Variants in NUP214 observed in about 807,000 individuals in gnomAD.
The protein encoded by NUP214 is nuclear pore complex protein Nup214.
In NUP214, 79 loss-of-function variants were observed where a neutral mutation model predicts 196.2. The observed-to-expected ratio is 0.40, with a 90% CI of 0.34 to 0.49. The LOEUF (loss-of-function observed/expected upper bound fraction) is 0.49, where lower values mean the gene tolerates loss of function less well. Among genes scored for constraint, NUP214 ranks in the 20% least tolerant of loss-of-function variants. The probability of loss-of-function intolerance (pLI) is 0.58; values close to 1 mark genes in which losing one functional copy is unlikely to be tolerated. For synonymous variants in NUP214, 1,020 were observed against 990.5 expected (o/e 1.03, Z -0.56); for missense variants, 2,468 against 2,539.0 (o/e 0.97, Z 0.60).
At chr9:131,138,855 C>A (rs565510480) in intron 9 of NUP214, among the ~76,000 whole-genome samples, 1 of 152,302 alleles carries the variant, frequency 6.6e-6, no homozygotes, top group East Asian at 1.9e-4. Flanking sequence ...TGAAAGACTG[C>A]AGTAGAGATC....
intron 32 of NUP214, among the ~76,000 whole-genome samples, 175 bp from the exon 33 acceptor site, chr9:131,227,985 C>CGGGGGG (rs369758441): frequency 3.8e-4 from 5 of 13,280 alleles, no homozygotes; most frequent in Admixed American, 1.5e-3. Context: ...GATAGAAGGG[C>CGGGGGG]GGGGGGGAGG....
At position 131,162,828 on chromosome 9, in the gene NUP214, T is replaced by TA; in HGVS notation, c.2541-163_2541-162insA. The TA allele has an allele frequency of 4.4e-6, 3 of 688,952 alleles. No individual in the cohort carries two copies. The South Asian group carries it at 5.6e-5, about 13-fold the overall frequency. 42.7% of individuals were successfully genotyped at this position (688,952 alleles called of 1,614,324 possible). A position where few individuals can be genotyped will look rare whatever the true frequency, so the allele number is the denominator to read the frequency against. On this transcript the variant is annotated intron_variant, in intron 18 of 35. Transcript: ENST00000359428. Reference sequence around the variant, plus strand: ...CCATTTTATCTTCATTAGGCTTTCATCTCCTTTTTATTTTCTAGTAATTTC... The same window carrying TA: ...CCATTTTATCTTCATTAGGCTTTCATACTCCTTTTTATTTTCTAGTAATTTC...
At chr9:131,150,032 C>T (rs1832209714) in intron 14 of NUP214, 1 of 231,290 alleles carries the variant, frequency 4.3e-6, no homozygotes, top group African/African-American at 2.2e-5. Flanking sequence ...TTTATGTTTC[C>T]CTGTTTGTTC....
intron 24 of NUP214, among the ~76,000 whole-genome samples, chr9:131,181,485 A>T (rs1054080818): frequency 2.0e-5 from 3 of 152,186 alleles, no homozygotes; most frequent in Non-Finnish European, 2.9e-5. Context: ...ATCCTCACCA[A>T]CACTCATTAT....
At chr9:131,223,727 A>ATTTATTTATTTTTTTTTT in intron 32 of NUP214, among the ~76,000 whole-genome samples, 4 of 15,660 alleles carry the variant, frequency 2.6e-4, no homozygotes, top group East Asian at 4.9e-3. Context: ...TTATTTATTT[A>ATTTATTTATTTTTTTTTT]TTTTTTTTTT....
chr9:131,164,394 C>G, intron 21 of NUP214: 2 of 494,508 alleles, frequency 4.0e-6, no homozygotes, highest in South Asian at 5.0e-5. Context: ...TTGGCTTTTA[C>G]ACTGTTTTCT....
intron 21 of NUP214, among the ~76,000 whole-genome samples, chr9:131,173,671 T>G (rs1454715167): frequency 6.6e-6 from 1 of 152,110 alleles, no homozygotes; most frequent in Non-Finnish European, 1.5e-5. Context: ...AAGCTTATCA[T>G]TGGAAGGTGA....
intron 28 of NUP214, among the ~76,000 whole-genome samples, chr9:131,196,817 T>C (rs188649340): frequency 6.6e-6 from 1 of 152,204 alleles, no homozygotes; most frequent in Non-Finnish European, 1.5e-5. Context: ...AACTTCCATT[T>C]TGAATCAAGT....
intron 13 of NUP214, among the ~76,000 whole-genome samples, chr9:131,147,148 G>A (rs1031542450): frequency 2.6e-5 from 4 of 151,800 alleles, no homozygotes; most frequent in Non-Finnish European, 2.9e-5. Flanking sequence ...CACCACCGTC[G>A]GCTAATTTTT....
chr9:131,179,361 G>A (rs1184487553), intron 24 of NUP214, among the ~76,000 whole-genome samples: 5 of 152,090 alleles, frequency 3.3e-5, no homozygotes, highest in African/African-American at 1.2e-4. Flanking sequence ...ACTCCCTCCC[G>A]CTGCCCTGGG....
chr9:131,139,132 C>G (rs1319765077), intron 9 of NUP214, 149 bp from the exon 10 acceptor site: 1 of 869,074 alleles, frequency 1.2e-6, no homozygotes, highest in Non-Finnish European at 1.6e-6. Flanking sequence ...ATTTCAGAGC[C>G]TCCTAGTCAA....
chr9:131,184,309 C>T (rs1833387466), intron 24 of NUP214, among the ~76,000 whole-genome samples: 1 of 144,434 alleles, frequency 6.9e-6, no homozygotes, highest in African/African-American at 2.6e-5. Context: ...GGACTACACG[C>T]GTGAGACACT....
intron 19 of NUP214, 160 bp downstream of exon 19, chr9:131,163,333 C>A: frequency 1.5e-6 from 1 of 651,842 alleles, no homozygotes; most frequent in Non-Finnish European, 2.5e-6. Flanking sequence ...TGTTTCTTTG[C>A]CTAAAAAATG....
intron 31 of NUP214, among the ~76,000 whole-genome samples, chr9:131,219,188 C>G (rs374632373): frequency 1.3e-5 from 2 of 152,164 alleles, no homozygotes; most frequent in African/African-American, 4.8e-5. Flanking sequence ...GTGGCTGTCC[C>G]CATTTCACTG....
rs1007148994 is a variant in NUP214 at position 131,175,367 on chromosome 9, C to T, written c.3158-93C>T. On this transcript the variant is annotated intron_variant, in intron 22 of 35. Coordinates refer to ENST00000359428, the MANE Select transcript of NUP214 (RefSeq NM_005085.4). Reference sequence around the variant, plus strand: ...ATGTTAACGCTAATTTTAGCATTTTCCCTGCAGTCGAACATAAAGAATTTA... The same window carrying T: ...ATGTTAACGCTAATTTTAGCATTTTTCCTGCAGTCGAACATAAAGAATTTA... The T allele has an allele frequency of 3.5e-6, 5 of 1,408,840 alleles. No individual in the cohort carries two copies. In the African/African-American group the frequency reaches 5.7e-5, roughly 16 times the overall value. 87.3% of individuals were successfully genotyped at this position (1,408,840 alleles called of 1,614,324 possible).
At chr9:131,152,689 A>G (rs927958667) in intron 17 of NUP214, among the ~76,000 whole-genome samples, 3 of 152,112 alleles carry the variant, frequency 2.0e-5, no homozygotes, top group African/African-American at 7.2e-5. Flanking sequence ...AGCTTGTCCA[A>G]AGTCATGTTG....
chr9:131,189,803 T>C (rs995635192), intron 26 of NUP214: 1 of 152,584 alleles, frequency 6.6e-6, no homozygotes, highest in South Asian at 2.1e-4. Context: ...TGTTGGCTCC[T>C]TTATTATAGC....
At chr9:131,229,805 G>A in intron 33 of NUP214, 1 of 512,414 alleles carries the variant, frequency 2.0e-6, no homozygotes, top group Non-Finnish European at 3.9e-6. Flanking sequence ...TATGGAAAGA[G>A]CCTTGACCTC....
chr9:131,174,975 C>A (rs545388791), intron 22 of NUP214, among the ~76,000 whole-genome samples: 2 of 152,182 alleles, frequency 1.3e-5, no homozygotes, highest in Non-Finnish European at 2.9e-5. Context: ...CATCCACACT[C>A]ATATCTTTTA....
Sources: gnomAD v4.1 joint callset for allele counts (sites outside exome capture counted in the v4.1 genomes callset) on GRCh38, gnomAD v4.1.1 for gene constraint, MANE v1.5 for transcripts, NCBI Gene and HGNC (gene_info 2026-07-23, HGNC 2026-07-21) for gene names.